Variants in EXOC2 observed in about 807,000 individuals in gnomAD.
EXOC2 encodes exocyst complex component 2.
In EXOC2, 70 loss-of-function variants were observed where a neutral mutation model predicts 131.8. The ratio of observed to expected loss-of-function variants is 0.53; its 90% CI spans 0.44 to 0.65. The LOEUF is 0.65. Ranked by LOEUF, EXOC2 falls within the 30% of genes least tolerant of loss-of-function variation. The pLI is 0.00. For missense variants in EXOC2, 923 were observed against 1,108.6 expected, an observed-to-expected ratio of 0.83 and a Z score of 2.38; for synonymous variants, 411 against 398.4, an observed-to-expected ratio of 1.03 and a Z score of -0.38.
At chr6:495,189 G>C (rs539810098) in intron 25 of EXOC2, among the ~76,000 whole-genome samples, 1 of 144,392 alleles carries the variant, frequency 6.9e-6, no homozygotes, top group Admixed American at 7.3e-5. Flanking sequence ...GCAGTGGTGC[G>C]ATCTCGGCTC....
At chr6:581,666 T>A (rs1190145425) in intron 11 of EXOC2, among the ~76,000 whole-genome samples, 1 of 152,182 alleles carries the variant, frequency 6.6e-6, no homozygotes, top group Non-Finnish European at 1.5e-5. Flanking sequence ...AGTATTTGAG[T>A]TATTATTTTG....
intron 1 of EXOC2, among the ~76,000 whole-genome samples, chr6:683,563 G>T (rs2127803721): frequency 6.7e-6 from 1 of 148,664 alleles, no homozygotes; most frequent in African/African-American, 2.5e-5. Context: ...TTTCAGAAAA[G>T]GTCAAGAAAC....
At chr6:538,089 G>C (rs1766573439) in intron 22 of EXOC2, among the ~76,000 whole-genome samples, 1 of 152,180 alleles carries the variant, frequency 6.6e-6, no homozygotes, top group Admixed American at 6.5e-5. Flanking sequence ...AAGAGGAGTT[G>C]AAAATAAATA....
At chr6:521,922 AAT>A (rs1384940968) in intron 23 of EXOC2, among the ~76,000 whole-genome samples, 6 of 152,252 alleles carry the variant, frequency 3.9e-5, no homozygotes, top group Admixed American at 1.3e-4. Context: ...TTGAATAAAA[AAT>A]AGTTGACTCA....
intron 17 of EXOC2, among the ~76,000 whole-genome samples, chr6:557,631 A>G (rs1226294590): frequency 3.3e-5 from 5 of 151,008 alleles, no homozygotes; most frequent in African/African-American, 9.7e-5. Context: ...AAAAAAAAAA[A>G]AAAAGAAAAG....
rs777995048 is a variant in EXOC2, at chr6:656,481, G to C, written c.-43-18620C>G. ...CCTCCAGCGCGGCAGGCGGATGCTCGCGTCGGAGGCGCGCAGGCTGGGCGG... is the reference window on the plus strand; with the variant it reads ...CCTCCAGCGCGGCAGGCGGATGCTCCCGTCGGAGGCGCGCAGGCTGGGCGG... On this transcript the variant is annotated intron_variant, in intron 1 of 27. Coordinates refer to ENST00000230449, the MANE Select transcript of EXOC2 (RefSeq NM_018303.6). The C allele has an allele frequency of 1.2e-5, 19 of 1,609,398 alleles. No homozygotes were observed. The highest frequency in any genetic ancestry group is 4.4e-5 in the South Asian group (4 of 90,916).
chr6:515,494 C>T (rs530392871), intron 23 of EXOC2, among the ~76,000 whole-genome samples: 9 of 152,246 alleles, frequency 5.9e-5, no homozygotes, highest in Admixed American at 1.3e-4. Flanking sequence ...GATACCCTGA[C>T]GCCCTGAGCA....
At chr6:650,923 G>A (rs1237190844) in intron 1 of EXOC2, among the ~76,000 whole-genome samples, 1 of 152,018 alleles carries the variant, frequency 6.6e-6, no homozygotes, top group Non-Finnish European at 1.5e-5. Flanking sequence ...TTCTAAAAAG[G>A]AAAAAATTTG....
At chr6:587,275 T>TG (rs1347685382) in intron 11 of EXOC2, among the ~76,000 whole-genome samples, 2 of 151,952 alleles carry the variant, frequency 1.3e-5, no homozygotes, top group African/African-American at 4.8e-5. Flanking sequence ...GACGGAGTCT[T>TG]GCTCTGTCGC....
chr6:512,501 C>T (rs1442998566), intron 23 of EXOC2, among the ~76,000 whole-genome samples: 1 of 152,122 alleles, frequency 6.6e-6, no homozygotes, highest in Non-Finnish European at 1.5e-5. Flanking sequence ...AAATATGTAA[C>T]AGACTGTTTA....
At chr6:526,082 C>CA (rs1301078110) in intron 23 of EXOC2, among the ~76,000 whole-genome samples, 1 of 152,164 alleles carries the variant, frequency 6.6e-6, no homozygotes, top group African/African-American at 2.4e-5. Flanking sequence ...TTCCTTAAGA[C>CA]AAATTCTTAG....
At chr6:502,559 A>G (rs553293099) in intron 23 of EXOC2, among the ~76,000 whole-genome samples, 3 of 152,240 alleles carry the variant, frequency 2.0e-5, no homozygotes, top group South Asian at 4.2e-4. Context: ...ACACCCCGTA[A>G]AAGAGGTGAA....
intron 3 of EXOC2, among the ~76,000 whole-genome samples, chr6:631,243 C>G (rs1761832482): frequency 6.6e-6 from 1 of 152,170 alleles, no homozygotes; most frequent in Non-Finnish European, 1.5e-5. Flanking sequence ...GAGTTCAGTT[C>G]AAGAAAGCTT....
At chr6:616,855 G>C (rs57440245) in intron 6 of EXOC2, among the ~76,000 whole-genome samples, 17,037 of 151,636 alleles carry the variant, frequency 0.11, 1,164 homozygotes, top group East Asian at 0.15. Context: ...CAATTCTCCA[G>C]CCTCAGCCTC....
At chr6:624,606 G>C (rs1252412999) in intron 4 of EXOC2, among the ~76,000 whole-genome samples, 1 of 152,152 alleles carries the variant, frequency 6.6e-6, no homozygotes. Flanking sequence ...TATGTAAACA[G>C]TCGAGATTTG....
chr6:551,885 C>G (rs1449637707), intron 21 of EXOC2, among the ~76,000 whole-genome samples: 1 of 152,232 alleles, frequency 6.6e-6, no homozygotes, highest in Non-Finnish European at 1.5e-5. Context: ...CTGAGGCTCT[C>G]TGCTACTGGT....
chr6:556,634 C>T (rs1052005835), intron 17 of EXOC2, 70 bp from the exon 18 acceptor site: 12 of 1,514,052 alleles, frequency 7.9e-6, no homozygotes, highest in South Asian at 6.9e-5. Flanking sequence ...TTAACACAAG[C>T]GAATATGGCC....
chr6:497,201 T>C (rs374072743), intron 25 of EXOC2, among the ~76,000 whole-genome samples, 166 bp downstream of exon 25: 2 of 152,382 alleles, frequency 1.3e-5, no homozygotes, highest in South Asian at 4.1e-4. Context: ...CTGAAACTTG[T>C]AGACAATGCT....
intron 16 of EXOC2, among the ~76,000 whole-genome samples, chr6:563,125 T>C (rs987761253): frequency 6.6e-6 from 1 of 152,238 alleles, no homozygotes; most frequent in Non-Finnish European, 1.5e-5. Context: ...GAGACAATCA[T>C]TTATTACTTA....
Sources: allele counts gnomAD v4.1 joint callset (sites outside exome capture counted in the v4.1 genomes callset), GRCh38; gene constraint gnomAD v4.1.1; transcripts MANE v1.5; gene names NCBI Gene and HGNC (gene_info 2026-07-23, HGNC 2026-07-21).